SKI: variants seen among roughly 807,000 people sequenced by gnomAD.
The protein encoded by SKI is SKI proto-oncogene, also known as ski oncogene.
A neutral mutation model predicts 59.3 loss-of-function variants in SKI; 23 were observed. The observed-to-expected ratio is 0.39, with a 90% CI of 0.28 to 0.55. The LOEUF is 0.55. Among genes scored for constraint, SKI ranks in the 20% least tolerant of loss-of-function variants. The pLI is 0.67. For missense variants in SKI, 1,017 were observed against 1,038.9 expected (o/e 0.98, Z 0.29); for synonymous variants, 673 against 488.6 (o/e 1.38, Z -4.98).
chr1:2,309,332 A>G lies in SKI; in HGVS notation c.*2567A>G, dbSNP rs1292914734. The stretch of plus-strand genomic sequence containing the variant: ...AATTCTCATTATATTTCTATACTGA[A>G]AGAAGATTTTTAACGAAGGGAAAAA... On this transcript the variant is annotated 3_prime_UTR_variant, in exon 7 of 7. Coordinates refer to ENST00000378536, the MANE Select transcript of SKI (RefSeq NM_003036.4). The G allele has an allele frequency of 1.3e-5, 2 of 151,164 alleles. No individual in the cohort carries two copies. Among genetic ancestry groups the G allele is most frequent in the Non-Finnish European group, 2.9e-5 (2 of 68,026 alleles). The allele number at this position is 151,164 out of a possible 1,614,324, so 9.4% of individuals were successfully genotyped here. A position where few individuals can be genotyped will look rare whatever the true frequency, so the allele number is the denominator to read the frequency against.
intron 1 of SKI, among the ~76,000 whole-genome samples, chr1:2,255,855 G>A (rs930143626): frequency 1.3e-5 from 2 of 149,772 alleles, no homozygotes; most frequent in Non-Finnish European, 3.0e-5. Context: ...AACATGCTGT[G>A]TCCGGATTGC....
chr1:2,231,257 A>C (rs1463029077), intron 1 of SKI, among the ~76,000 whole-genome samples: 1 of 152,012 alleles, frequency 6.6e-6, no homozygotes, highest in East Asian at 1.9e-4. Context: ...CAGGCTGCGT[A>C]GTGGGTCACC....
At chr1:2,273,344 T>C (rs1639670169) in intron 1 of SKI, among the ~76,000 whole-genome samples, 1 of 151,970 alleles carries the variant, frequency 6.6e-6, no homozygotes, top group South Asian at 2.1e-4. Context: ...CGGAAGTGTA[T>C]GTGGAAGGAC....
intron 1 of SKI, among the ~76,000 whole-genome samples, chr1:2,274,236 T>C (rs571918625): frequency 1.6e-4 from 25 of 152,136 alleles, no homozygotes; most frequent in Non-Finnish European, 2.1e-4. Flanking sequence ...AGGCTTTTTA[T>C]TGGTTAAATA....
intron 1 of SKI, among the ~76,000 whole-genome samples, chr1:2,293,332 G>A (rs1454009791): frequency 7.9e-5 from 12 of 152,124 alleles, no homozygotes; most frequent in African/African-American, 2.7e-4. Flanking sequence ...GAGCAGTCAC[G>A]GGCCCTGAGT....
chr1:2,240,512 C>T, intron 1 of SKI: 1 of 985,390 alleles, frequency 1.0e-6, no homozygotes, highest in African/African-American at 1.7e-5. Flanking sequence ...CGGGTGGTGG[C>T]TGGTTGTGGG....
intron 1 of SKI, among the ~76,000 whole-genome samples, chr1:2,264,325 A>G (rs528177947): frequency 1.3e-5 from 2 of 152,330 alleles, no homozygotes; most frequent in East Asian, 3.9e-4. Context: ...GCTGAAGTGC[A>G]GTGGCACGAT....
rs750746850 is a variant in SKI at position 2,302,979 on chromosome 1, TCTC to T, written c.975_977del (p.Ser326del). ...AACAAAACCTTTCATTGATCGCAGGTCTCCTCTGAGCCTCCGGCCTCCATAAGA... is the reference window on the plus strand; with the variant it reads ...AACAAAACCTTTCATTGATCGCAGGTCTCTGAGCCTCCGGCCTCCATAAGA... On this transcript the variant is annotated inframe_deletion and splice_region_variant, in exon 2 of 7. Coordinates refer to ENST00000378536, the MANE Select transcript of SKI (RefSeq NM_003036.4). 12 of 1,613,408 alleles carry T rather than the reference TCTC, an allele frequency of 7.4e-6. 1 individual carries two copies. The South Asian group carries it at 1.2e-4, about 16-fold the overall frequency.
chr1:2,295,984 G>A (rs1262866917), intron 1 of SKI, among the ~76,000 whole-genome samples: 3 of 152,188 alleles, frequency 2.0e-5, no homozygotes, highest in Non-Finnish European at 4.4e-5. Flanking sequence ...TTAAGCTTCC[G>A]AGGACCTGCC....
intron 1 of SKI, among the ~76,000 whole-genome samples, chr1:2,250,152 C>T (rs1341131703): frequency 3.3e-5 from 5 of 152,178 alleles, no homozygotes; most frequent in African/African-American, 4.8e-5. Context: ...GTGATGCAGC[C>T]GCCTTGGCCT....
chr1:2,245,555 C>T (rs907005701), intron 1 of SKI, among the ~76,000 whole-genome samples: 1 of 152,168 alleles, frequency 6.6e-6, no homozygotes, highest in East Asian at 1.9e-4. Flanking sequence ...TCACTGCAGC[C>T]TCCACCTCCT....
intron 1 of SKI, among the ~76,000 whole-genome samples, chr1:2,283,555 C>T (rs1450388971): frequency 1.3e-5 from 2 of 152,252 alleles, no homozygotes; most frequent in Non-Finnish European, 2.9e-5. Flanking sequence ...GCTTCCCCTG[C>T]TCAGATGTTG....
intron 1 of SKI, among the ~76,000 whole-genome samples, chr1:2,293,250 C>T (rs1048622495): frequency 3.3e-5 from 5 of 152,202 alleles, no homozygotes; most frequent in Non-Finnish European, 7.3e-5. Context: ...GATCGGGACT[C>T]ACCATGTTAG....
chr1:2,293,047 C>T (rs528893306), intron 1 of SKI, among the ~76,000 whole-genome samples: 6 of 152,190 alleles, frequency 3.9e-5, no homozygotes, highest in African/African-American at 1.2e-4. Flanking sequence ...GCAGGGTGCA[C>T]GGGAGAGCAG....
In SKI at chr1:2,248,422, A is replaced by G. The variant is rs534590205; in HGVS notation, c.969+18687A>G. Among the ~76,000 whole-genome samples, 6 of 152,114 alleles carry G rather than the reference A, an allele frequency of 3.9e-5. No individual in the cohort carries two copies. In the East Asian group the frequency reaches 1.2e-3, roughly 30 times the overall value. On this transcript the variant is annotated intron_variant, in intron 1 of 6. Coordinates refer to ENST00000378536, the MANE Select transcript of SKI (RefSeq NM_003036.4). ...TTGTCCTAACTGTTGAATATTAATG[A>G]GGGGCGCCGCAGGGTGGCTCTCCAG...
chr1:2,293,064 G>T (rs1640199290), intron 1 of SKI, among the ~76,000 whole-genome samples: 1 of 152,196 alleles, frequency 6.6e-6, no homozygotes, highest in African/African-American at 2.4e-5. Flanking sequence ...GCAGGGGTTG[G>T]CAGGAACCCG....
At position 2,246,593 on chromosome 1, in the gene SKI, G is replaced by GTGCAGCGCTGTC. The variant is rs551595113; in HGVS notation, c.969+16863_969+16874dup. On this transcript the variant is annotated intron_variant, in intron 1 of 6. Coordinates refer to ENST00000378536, the MANE Select transcript of SKI (RefSeq NM_003036.4). ...GAGGAGACGCTCTGTGAGCCTCGGT[G>GTGCAGCGCTGTC]TGCAGCGCTGTCTGCAAGTCAGACT... 1.3e-3 allele frequency among the ~76,000 whole-genome samples: 191 copies of GTGCAGCGCTGTC among 152,320 alleles called. 2 individuals are homozygous for GTGCAGCGCTGTC. Among genetic ancestry groups the GTGCAGCGCTGTC allele is most frequent in the Middle Eastern group, 3.4e-3 (1 of 294 alleles).
At chr1:2,284,288 C>A (rs557077364) in intron 1 of SKI, among the ~76,000 whole-genome samples, 1 of 152,190 alleles carries the variant, frequency 6.6e-6, no homozygotes, top group African/African-American at 2.4e-5. Context: ...GCTGCCGAGA[C>A]GTCCTGGTAG....
At chr1:2,301,906 C>G (rs960618492) in intron 1 of SKI, among the ~76,000 whole-genome samples, 1 of 152,176 alleles carries the variant, frequency 6.6e-6, no homozygotes, top group South Asian at 2.1e-4. Flanking sequence ...TGCCAGCTGC[C>G]CTGGAGACTC....
Sources: gnomAD v4.1 joint callset for allele counts (sites outside exome capture counted in the v4.1 genomes callset) on GRCh38, gnomAD v4.1.1 for gene constraint, MANE v1.5 for transcripts, NCBI Gene and HGNC (gene_info 2026-07-23, HGNC 2026-07-21) for gene names.